Variants in SLC44A2 observed in about 807,000 individuals in gnomAD.
SLC44A2 encodes the protein solute carrier family 44 member 2 (CTL2 blood group).
In SLC44A2, 57 loss-of-function variants were observed where a neutral mutation model predicts 90.8. That is an observed-to-expected ratio of 0.63 (90% confidence interval 0.51 to 0.78). SLC44A2 has a LOEUF of 0.78. SLC44A2 is among the 30% of genes least tolerant of loss of function. The pLI, the probability that SLC44A2 is intolerant of heterozygous loss-of-function variation, is 0.00. For synonymous variants in SLC44A2, 355 were observed against 360.7 expected, an observed-to-expected ratio of 0.98 and a Z score of 0.18; for missense variants, 794 against 919.7, an observed-to-expected ratio of 0.86 and a Z score of 1.77.
In SLC44A2 at chr19:10,631,365, C is replaced by G. The variant is rs267605277; in HGVS notation, c.421C>G (p.Pro141Ala). ...DFEYYKQFCV[P>A]GFKNNKGVAE... ...TGAGTACTATAAGCAGTTCTGTGTT[C>G]CTGGCTTCAAGAACAATAAAGTGAG... is the stretch of plus-strand genomic sequence containing the variant. Residue 141 changes from proline (P) to alanine (A), a missense_variant, in exon 6 of 22, where the codon CCT (proline) becomes GCT (alanine). Around this residue, in one of 3 missense-constraint regions of SLC44A2, gnomAD observed 738 missense variants for 841.1 expected, o/e 0.88. Coordinates refer to ENST00000335757, the MANE Select transcript of SLC44A2 (RefSeq NM_020428.4). The G allele has an allele frequency of 2.5e-6, 4 of 1,614,050 alleles. No individual in the cohort carries two copies. Among genetic ancestry groups the G allele is most frequent in the Non-Finnish European group, 3.4e-6 (4 of 1,180,044 alleles).
At chr19:10,608,628 G>GTA (rs1018843399) in intron 1 of SLC44A2, among the ~76,000 whole-genome samples, 1 of 147,598 alleles carries the variant, frequency 6.8e-6, no homozygotes, top group African/African-American at 2.5e-5. Context: ...TATTTTATTA[G>GTA]TATATATATA....
intron 16 of SLC44A2, chr19:10,636,970 G>A (rs1178535428): frequency 1.7e-6 from 1 of 576,058 alleles, no homozygotes; most frequent in East Asian, 2.9e-5. Context: ...TCTTGCTGTT[G>A]AGGGGACAGG....
At chr19:10,604,156 CA>C (rs1918035932) in intron 1 of SLC44A2, among the ~76,000 whole-genome samples, 1 of 152,096 alleles carries the variant, frequency 6.6e-6, no homozygotes, top group African/African-American at 2.4e-5. Context: ...AGGGAGTAGT[CA>C]AGGGAAGGAA....
intron 20 of SLC44A2, among the ~76,000 whole-genome samples, chr19:10,639,092 C>T (rs1382449346): frequency 2.0e-5 from 3 of 152,200 alleles, no homozygotes; most frequent in Non-Finnish European, 4.4e-5. Context: ...AACCACCACA[C>T]CTGGCTAATT....
intron 1 of SLC44A2, among the ~76,000 whole-genome samples, chr19:10,608,692 C>G (rs901541725): frequency 2.4e-4 from 36 of 151,662 alleles, no homozygotes; most frequent in African/African-American, 8.7e-4. Context: ...CTCTGTCACC[C>G]AGGGTTAAGT....
chr19:10,632,199 A>C, intron 10 of SLC44A2, 43 bp downstream of exon 10: 3 of 1,536,384 alleles, frequency 2.0e-6, no homozygotes, highest in Non-Finnish European at 2.7e-6. Context: ...CTGAATCCGC[A>C]CACTGCCCTG....
Position 10,634,833 on chromosome 19 carries a change from T to C in SLC44A2, c.901T>C (p.Phe301Leu), listed in dbSNP as rs373081626. ...GSDVSLVDLG[F>L]QTDFRVYLHL... ...TGATGTCTCTTTGGTGGACCTCGGC[T>C]TTCAGACGGATTTCCGGGTGTACCT... The change falls in exon 11 of 22, where the codon TTT becomes CTT. Residue 301 changes from phenylalanine to leucine, a missense_variant. Coordinates refer to ENST00000335757, the MANE Select transcript of SLC44A2 (RefSeq NM_020428.4). 6.2e-7 allele frequency: 1 copy of C among 1,614,158 alleles called. No homozygotes were observed.
chr19:10,640,676 A>G (rs2067105785), intron 20 of SLC44A2, among the ~76,000 whole-genome samples: 1 of 152,196 alleles, frequency 6.6e-6, no homozygotes, highest in African/African-American at 2.4e-5. Flanking sequence ...ATGCAGCAGT[A>G]AATGGGACTG....
intron 16 of SLC44A2, chr19:10,637,009 T>C (rs2067064255): frequency 5.9e-6 from 3 of 505,620 alleles, no homozygotes; most frequent in Non-Finnish European, 1.1e-5. Flanking sequence ...CCATTGGTTA[T>C]TACCAGAGTG....
intron 1 of SLC44A2, among the ~76,000 whole-genome samples, chr19:10,608,743 G>A (rs977620474): frequency 6.6e-6 from 1 of 151,714 alleles, no homozygotes; most frequent in Non-Finnish European, 1.5e-5. Flanking sequence ...TCTGCCTCCT[G>A]GGTTTAAGCA....
chr19:10,616,739 C>T (rs2066858018), intron 1 of SLC44A2, among the ~76,000 whole-genome samples: 1 of 151,562 alleles, frequency 6.6e-6, no homozygotes, highest in African/African-American at 2.4e-5. Context: ...GTGGTGGGCG[C>T]CTGTCTCAAA....
chr19:10,638,451 G>A, intron 20 of SLC44A2, 136 bp downstream of exon 20: 1 of 866,856 alleles, frequency 1.2e-6, no homozygotes, highest in South Asian at 1.5e-5. Context: ...CAAACTTTTT[G>A]TTTGTTTTTG....
intron 4 of SLC44A2, among the ~76,000 whole-genome samples, chr19:10,629,860 TCTC>T (rs767494354): frequency 6.6e-6 from 1 of 151,038 alleles, no homozygotes; most frequent in Non-Finnish European, 1.5e-5. Context: ...TTCAAGCAAT[TCTC>T]CTGCCTCAGC....
At chr19:10,638,758 C>T (rs1465624223) in intron 20 of SLC44A2, among the ~76,000 whole-genome samples, 2 of 152,014 alleles carry the variant, frequency 1.3e-5, no homozygotes, top group African/African-American at 4.8e-5. Flanking sequence ...CCTCAGCCTC[C>T]TGTGTAGCTG....
At chr19:10,633,881 T>TA (rs945197896) in intron 10 of SLC44A2, among the ~76,000 whole-genome samples, 17 of 151,896 alleles carry the variant, frequency 1.1e-4, no homozygotes, top group African/African-American at 4.1e-4. Context: ...CGCACGCCTG[T>TA]AATCCCAGCA....
intron 2 of SLC44A2, among the ~76,000 whole-genome samples, 185 bp downstream of exon 2, chr19:10,626,486 T>C (rs2066935309): frequency 6.6e-6 from 1 of 151,694 alleles, no homozygotes. Context: ...CAATCTCGGC[T>C]CACTGCAACC....
chr19:10,632,743 G>A (rs1365044699), intron 10 of SLC44A2, among the ~76,000 whole-genome samples: 1 of 150,772 alleles, frequency 6.6e-6, no homozygotes, highest in African/African-American at 2.4e-5. Flanking sequence ...CGCGATCTTG[G>A]CTCACTGCAA....
In SLC44A2 at chr19:10,631,293, C is replaced by T. The variant is rs1173908719; in HGVS notation, c.349C>T (p.Pro117Ser). The T allele has an allele frequency of 6.2e-7, 1 of 1,614,130 alleles. No individual in the cohort carries two copies. The highest frequency in any genetic ancestry group is 1.1e-5 in the South Asian group (1 of 91,088). ...CTCCCAGATCTGCGTGGAAAAATGC[C>T]CCGACCGCTACCTCACGTACCTGAA... is the stretch of plus-strand genomic sequence containing the variant. Reference protein sequence around the residue: ...PTPQICVEKCPDRYLTYLNAR... With the variant: ...PTPQICVEKCSDRYLTYLNAR... The change falls in exon 6 of 22, where the codon CCC (proline) becomes TCC (serine). Residue 117 changes from proline to serine, a missense_variant. Coordinates refer to ENST00000335757, the MANE Select transcript of SLC44A2 (RefSeq NM_020428.4).
intron 1 of SLC44A2, among the ~76,000 whole-genome samples, chr19:10,611,189 C>T (rs1487455308): frequency 2.0e-5 from 3 of 152,054 alleles, no homozygotes; most frequent in South Asian, 4.1e-4. Flanking sequence ...CAGTGCCTCA[C>T]GCCTGTAATC....
Sources: gnomAD v4.1 joint callset for allele counts (sites outside exome capture counted in the v4.1 genomes callset) on GRCh38, gnomAD v4.1.1 for gene constraint, gnomAD v4.1.1 regional missense constraint, MANE v1.5 for transcripts, NCBI Gene and HGNC (gene_info 2026-07-23, HGNC 2026-07-21) for gene names.